CNNM1: variants seen among roughly 807,000 people sequenced by gnomAD.
CNNM1 encodes cyclin and CBS domain divalent metal cation transport mediator 1.
Under a neutral mutation model 78.8 loss-of-function variants are expected in CNNM1, and 44 were observed. The ratio of observed to expected loss-of-function variants is 0.56; its 90% CI spans 0.44 to 0.72. CNNM1 has a LOEUF of 0.72. Among genes scored for constraint, CNNM1 ranks in the 30% least tolerant of loss-of-function variants. The pLI is 0.00. For synonymous variants in CNNM1, 584 were observed against 581.5 expected, an observed-to-expected ratio of 1.00 and a Z score of -0.06; for missense variants, 1,101 against 1,292.2, an observed-to-expected ratio of 0.85 and a Z score of 2.27.
At chr10:99,372,567 G>A (rs911228248) in intron 6 of CNNM1, among the ~76,000 whole-genome samples, 1 of 152,180 alleles carries the variant, frequency 6.6e-6, no homozygotes, top group Non-Finnish European at 1.5e-5. Flanking sequence ...CCCCCAAGCT[G>A]TGCCTCTGTG....
intron 6 of CNNM1, among the ~76,000 whole-genome samples, chr10:99,371,625 G>A (rs1029799465): frequency 6.6e-6 from 1 of 152,138 alleles, no homozygotes; most frequent in Non-Finnish European, 1.5e-5. Flanking sequence ...AATGTGGTAA[G>A]TGGAAATATT....
chr10:99,360,802 G>A (rs757344051), intron 2 of CNNM1, 33 bp from the exon 3 acceptor site: 1 of 1,552,136 alleles, frequency 6.4e-7, no homozygotes, highest in Non-Finnish European at 8.7e-7. Context: ...GTGATTCTGA[G>A]ATAGCTGTAA....
rs749302611 is a variant in CNNM1 at position 99,330,788 on chromosome 10, C to T, written c.1401C>T (p.Tyr467=). 6 of 1,614,022 alleles carry T rather than the reference C, an allele frequency of 3.7e-6. No individual in the cohort carries two copies. Among genetic ancestry groups the T allele is most frequent in the Non-Finnish European group, 5.1e-6 (6 of 1,180,012 alleles). ...GCGGCTACACTCGCATCCCAGTGTA[C>T]GAGGGTGACCAGCGGCACAACATTG... ...LRSGYTRIPV[Y]EGDQRHNIVD... The change falls in exon 1 of 11, where the codon TAC becomes TAT. Residue 467 remains tyrosine (Y), a synonymous_variant. Coordinates refer to ENST00000356713, the MANE Select transcript of CNNM1 (RefSeq NM_020348.3).
Position 99,329,858 on chromosome 10 carries a change from G to C in CNNM1, c.471G>C (p.Ser157=), listed in dbSNP as rs1465059781. 4 of 1,409,634 alleles carry C rather than the reference G, an allele frequency of 2.8e-6. No homozygotes were observed. The highest frequency in any genetic ancestry group is 3.7e-6 in the Non-Finnish European group (4 of 1,088,740). The allele number at this position is 1,409,634 out of a possible 1,614,324, so 87.3% of individuals were successfully genotyped here. A position where few individuals can be genotyped will look rare whatever the true frequency, so the allele number is the denominator to read the frequency against. ...TGCGTCCCGGGGGCGTGGCAGGCTC[G>C]GCCCTGGTCCAGGTGCGAGTGCGGG... ...GPLRPGGVAG[S]ALVQVRVREL... is the part of the protein sequence containing the mutation. Residue 157 remains serine (S), a synonymous_variant, in exon 1 of 11, where the codon TCG becomes TCC. Transcript: ENST00000356713.
At chr10:99,331,389 A>T (rs1430925629) in intron 1 of CNNM1, among the ~76,000 whole-genome samples, 3 of 152,216 alleles carry the variant, frequency 2.0e-5, no homozygotes, top group African/African-American at 7.2e-5. Flanking sequence ...TTTACAGAGC[A>T]AACTAATTCC....
At chr10:99,342,103 G>A (rs1316603999) in intron 1 of CNNM1, among the ~76,000 whole-genome samples, 1 of 152,066 alleles carries the variant, frequency 6.6e-6, no homozygotes, top group East Asian at 1.9e-4. Context: ...TACAGTTTCT[G>A]TTTCACTGAT....
intron 6 of CNNM1, among the ~76,000 whole-genome samples, chr10:99,372,953 T>G (rs2031850630): frequency 6.6e-6 from 1 of 152,046 alleles, no homozygotes; most frequent in Non-Finnish European, 1.5e-5. Flanking sequence ...ATAACATTGT[T>G]TTTACTTTAA....
At position 99,374,603 on chromosome 10, in the gene CNNM1, G is replaced by T. The variant is rs530424499; in HGVS notation, c.2177-2452G>T. Among the ~76,000 whole-genome samples, 15 of 152,322 alleles carry T rather than the reference G, an allele frequency of 9.8e-5. No homozygotes were observed. The South Asian group carries it at 2.9e-3, about 29-fold the overall frequency. ...GTGACTTTAAGAGCTTTAGTTTGAT[G>T]ATTTAAGAGCTTTAATGACTTTAGC... On this transcript the variant is annotated intron_variant, in intron 6 of 10. Coordinates refer to ENST00000356713, the MANE Select transcript of CNNM1 (RefSeq NM_020348.3).
chr10:99,343,491 A>G (rs977512660), intron 1 of CNNM1, among the ~76,000 whole-genome samples: 3 of 152,122 alleles, frequency 2.0e-5, no homozygotes, highest in Non-Finnish European at 4.4e-5. Context: ...CATTTTGTAT[A>G]TGCAGCACCA....
At position 99,394,056 on chromosome 10, in the gene CNNM1, T is replaced by C. The variant is rs1303942940; in HGVS notation, c.*2540T>C. 6.6e-6 allele frequency: 1 copy of C among 152,516 alleles called. No individual in the cohort carries two copies. The highest frequency in any genetic ancestry group is 1.5e-5 in the Non-Finnish European group (1 of 68,058). The allele number at this position is 152,516 out of a possible 1,614,324, so 9.4% of individuals were successfully genotyped here. ...CAAGAACTACCATCATGCAGGCTTC[T>C]TGCCCAGCTGACCACTGGCCCCGGG... On this transcript the variant is annotated 3_prime_UTR_variant, in exon 11 of 11. Transcript: ENST00000356713.
chr10:99,344,562 A>G (rs970201233), intron 1 of CNNM1, among the ~76,000 whole-genome samples: 1 of 152,138 alleles, frequency 6.6e-6, no homozygotes, highest in African/African-American at 2.4e-5. Flanking sequence ...CAAAATTGAA[A>G]GCTGTTTACT....
chr10:99,330,623 G>A lies in CNNM1; in HGVS notation c.1236G>A (p.Lys412=). 1.9e-6 allele frequency: 3 copies of A among 1,613,874 alleles called. No homozygotes were observed. Among genetic ancestry groups the A allele is most frequent in the South Asian group, 2.2e-5 (2 of 91,046 alleles). ...CAGACCCCTACAGTGACCTGGTGAA[G>A]GAGGAGCTCAACATCATACAGGGTG... The part of the protein sequence containing the change: ...RAADPYSDLV[K]EELNIIQGAL... The change falls in exon 1 of 11, where the codon AAG becomes AAA. Residue 412 remains lysine, a synonymous_variant. Transcript: ENST00000356713.
intron 2 of CNNM1, among the ~76,000 whole-genome samples, chr10:99,358,115 C>T (rs1005532247): frequency 6.6e-6 from 1 of 152,152 alleles, no homozygotes; most frequent in African/African-American, 2.4e-5. Flanking sequence ...TACTCACAGC[C>T]TAAGCCAAAA....
intron 4 of CNNM1, 86 bp downstream of exon 4, chr10:99,362,482 G>T: frequency 3.5e-6 from 5 of 1,414,050 alleles, no homozygotes; most frequent in Non-Finnish European, 3.8e-6. Context: ...TCAGCACCAA[G>T]TTCCAAGACT....
At chr10:99,364,063 C>G (rs2031527111) in intron 4 of CNNM1, among the ~76,000 whole-genome samples, 1 of 152,090 alleles carries the variant, frequency 6.6e-6, no homozygotes, top group Non-Finnish European at 1.5e-5. Context: ...CTTGACCTGA[C>G]TTAGAAATGG....
At chr10:99,386,585 G>A (rs1269602463) in intron 7 of CNNM1, among the ~76,000 whole-genome samples, 1 of 152,170 alleles carries the variant, frequency 6.6e-6, no homozygotes, top group Admixed American at 6.5e-5. Context: ...TTTGTGATTC[G>A]ATTGGTTGTG....
intron 7 of CNNM1, among the ~76,000 whole-genome samples, chr10:99,380,777 G>C (rs1335651015): frequency 7.1e-6 from 1 of 140,002 alleles, no homozygotes; most frequent in Non-Finnish European, 1.5e-5. Context: ...GGTGACAGAG[G>C]GAGACTCGGC....
chr10:99,371,186 C>T (rs1167269382), intron 6 of CNNM1, among the ~76,000 whole-genome samples: 1 of 152,196 alleles, frequency 6.6e-6, no homozygotes, highest in Non-Finnish European at 1.5e-5. Context: ...GGCTAGGGGT[C>T]TCTGCACCAA....
chr10:99,330,855 G>A lies in CNNM1; in HGVS notation c.1468G>A (p.Asp490Asn), dbSNP rs1302428254. 1.2e-6 allele frequency: 2 copies of A among 1,614,132 alleles called. No homozygotes were observed. The highest frequency in any genetic ancestry group is 1.1e-5 in the South Asian group (1 of 91,084). ...CAAGGACTTGGCCTTCGTGGACCCC[G>A]ACGACTGCACCCCGCTCCTCACTGT... ...FVKDLAFVDPDDCTPLLTVTR... is the reference protein window; with the variant it reads ...FVKDLAFVDPNDCTPLLTVTR... Residue 490 changes from aspartate (D) to asparagine (N), a missense_variant, in exon 1 of 11, where the codon GAC becomes AAC. Around this residue, in one of 3 missense-constraint regions of CNNM1, gnomAD observed 277 missense variants for 423.2 expected, o/e 0.65. Coordinates refer to ENST00000356713, the MANE Select transcript of CNNM1 (RefSeq NM_020348.3).
Sources: allele counts gnomAD v4.1 joint callset (sites outside exome capture counted in the v4.1 genomes callset), GRCh38; gene constraint gnomAD v4.1.1; regional missense constraint gnomAD v4.1.1; transcripts MANE v1.5; gene names NCBI Gene and HGNC (gene_info 2026-07-23, HGNC 2026-07-21).